BMPER: variants seen among roughly 807,000 people sequenced by gnomAD.
BMPER encodes BMP-binding endothelial regulator protein.
A neutral mutation model predicts 87.3 loss-of-function variants in BMPER; 45 were observed. The observed-to-expected ratio is 0.52, with a 90% CI of 0.41 to 0.66. BMPER has a LOEUF of 0.66. BMPER is among the 30% of genes least tolerant of loss of function. The pLI, the probability that BMPER is intolerant of heterozygous loss-of-function variation, is 0.00. For missense variants in BMPER, 784 were observed against 867.5 expected (o/e 0.90, Z 1.21); for synonymous variants, 326 against 316.2 (o/e 1.03, Z -0.33).
intron 3 of BMPER, among the ~76,000 whole-genome samples, chr7:33,954,419 G>T (rs1265446261): frequency 6.6e-6 from 1 of 152,190 alleles, no homozygotes; most frequent in East Asian, 1.9e-4. Context: ...GTGCTGAAGT[G>T]GTTATCTTCC....
At chr7:34,138,798 C>CCG (rs1248371752) in intron 13 of BMPER, among the ~76,000 whole-genome samples, 1 of 152,192 alleles carries the variant, frequency 6.6e-6, no homozygotes, top group African/African-American at 2.4e-5. Flanking sequence ...CTGGAGCACA[C>CCG]TGGGCAGCCG....
Position 34,036,276 on chromosome 7 carries a change from A to C in BMPER, c.577-10030A>C, listed in dbSNP as rs577869674. On this transcript the variant is annotated intron_variant, in intron 6 of 14. Coordinates refer to ENST00000649409, the MANE Select transcript of BMPER (RefSeq NM_001365308.1). ...AATGGCAAGAAAAGGAAAAGGGCTC[A>C]TTTTCTTCCTTTCACTTTTTTTTGT... Among the ~76,000 whole-genome samples the C allele has an allele frequency of 3.3e-5, 5 of 152,280 alleles. No homozygotes were observed. The South Asian group carries it at 1.0e-3, about 32-fold the overall frequency.
chr7:34,119,014 T>TCTCACACA (rs66493349), intron 13 of BMPER, among the ~76,000 whole-genome samples: 22 of 135,792 alleles, frequency 1.6e-4, no homozygotes, highest in African/African-American at 4.2e-4. Context: ...TCTCTCTCTC[T>TCTCACACA]CACACACACA....
intron 11 of BMPER, among the ~76,000 whole-genome samples, chr7:34,074,350 A>G (rs1246347315): frequency 2.0e-5 from 3 of 152,190 alleles, no homozygotes; most frequent in Admixed American, 2.0e-4. Context: ...TTTTGGGCCA[A>G]TAGCTGTCAG....
intron 3 of BMPER, among the ~76,000 whole-genome samples, chr7:33,946,406 C>A (rs1215893169): frequency 6.6e-6 from 1 of 152,114 alleles, no homozygotes; most frequent in African/African-American, 2.4e-5. Flanking sequence ...GGAAGGCTTT[C>A]CAGAAGAGCA....
chr7:33,918,584 C>T (rs570963098), intron 2 of BMPER, among the ~76,000 whole-genome samples: 2 of 152,252 alleles, frequency 1.3e-5, no homozygotes, highest in African/African-American at 2.4e-5. Context: ...TTTTTGGTCT[C>T]AGGGGAACAC....
intron 3 of BMPER, among the ~76,000 whole-genome samples, chr7:33,945,542 G>A (rs549813704): frequency 1.6e-4 from 24 of 152,176 alleles, no homozygotes; most frequent in Admixed American, 1.0e-3. Context: ...GTAAGCCACC[G>A]TCCCTGGCCA....
intron 14 of BMPER, among the ~76,000 whole-genome samples, chr7:34,143,783 A>AT (rs999255720): frequency 1.3e-5 from 2 of 152,082 alleles, no homozygotes; most frequent in East Asian, 1.9e-4. Context: ...GCCTAGTAGA[A>AT]TTTTTTTCCC....
intron 14 of BMPER, among the ~76,000 whole-genome samples, chr7:34,149,587 C>G (rs556639932): frequency 1.3e-5 from 2 of 151,968 alleles, no homozygotes; most frequent in South Asian, 4.2e-4. Context: ...GGGGGAGATT[C>G]CAGGAGGTGA....
intron 6 of BMPER, among the ~76,000 whole-genome samples, chr7:33,992,883 G>A (rs1193794151): frequency 3.1e-5 from 4 of 131,020 alleles, no homozygotes; most frequent in African/African-American, 8.7e-5. Flanking sequence ...ATGAAGCTTA[G>A]TTTGGCTGGA....
At chr7:33,967,579 A>G (rs549532964) in intron 4 of BMPER, among the ~76,000 whole-genome samples, 29 of 152,364 alleles carry the variant, frequency 1.9e-4, no homozygotes, top group African/African-American at 2.6e-4. Flanking sequence ...GTAGGTAAAC[A>G]CATATAAATA....
chr7:33,980,567 C>G (rs1785824574), intron 6 of BMPER, among the ~76,000 whole-genome samples: 1 of 152,112 alleles, frequency 6.6e-6, no homozygotes, highest in African/African-American at 2.4e-5. Context: ...AGACTAAAGA[C>G]CAAGGTGCCA....
Position 34,154,332 on chromosome 7 carries a change from A to G in BMPER, c.*1059A>G, listed in dbSNP as rs1174381693. ...AACCTCAGTCCAAAGAACAGTCTCT[A>G]TACTTGCCCTCATTTACTGATAGGC... is the stretch of plus-strand genomic sequence containing the variant. On this transcript the variant is annotated 3_prime_UTR_variant, in exon 15 of 15. Transcript: ENST00000649409. 1 of 152,232 alleles carries G rather than the reference A, an allele frequency of 6.6e-6. No individual in the cohort carries two copies. The highest frequency in any genetic ancestry group is 1.9e-4 in the East Asian group (1 of 5,204). 9.4% of individuals were successfully genotyped at this position (152,232 alleles called of 1,614,324 possible).
chr7:33,929,709 C>A (rs2128607018), intron 2 of BMPER, among the ~76,000 whole-genome samples: 1 of 152,284 alleles, frequency 6.6e-6, no homozygotes, highest in South Asian at 2.1e-4. Context: ...AGCCGTTTAA[C>A]CTCTCCGTGC....
intron 13 of BMPER, among the ~76,000 whole-genome samples, chr7:34,129,622 G>GAAAGAGAGAAAGAA (rs1790512640): frequency 3.0e-5 from 2 of 67,134 alleles, no homozygotes; most frequent in African/African-American, 6.7e-5. Context: ...GAGAGAGAGA[G>GAAAGAGAGAAAGAA]AGAAAGAGAG....
intron 6 of BMPER, among the ~76,000 whole-genome samples, chr7:33,984,058 GA>G (rs1252913161): frequency 2.6e-5 from 4 of 152,150 alleles, no homozygotes; most frequent in Non-Finnish European, 5.9e-5. Flanking sequence ...TTGGAAAATT[GA>G]GACATAATCT....
chr7:33,907,637 A>G (rs1783855645), intron 2 of BMPER, among the ~76,000 whole-genome samples: 1 of 152,210 alleles, frequency 6.6e-6, no homozygotes, highest in South Asian at 2.1e-4. Context: ...GTGAATAAGA[A>G]TTTCTGAGAT....
chr7:34,070,288 CCT>C (rs1323542559), intron 11 of BMPER, among the ~76,000 whole-genome samples: 1 of 152,080 alleles, frequency 6.6e-6, no homozygotes, highest in Non-Finnish European at 1.5e-5. Context: ...GTTTCCAATC[CCT>C]GTTTGTTGAC....
chr7:34,020,126 T>G (rs985903499), intron 6 of BMPER, among the ~76,000 whole-genome samples: 3 of 151,588 alleles, frequency 2.0e-5, no homozygotes, highest in Non-Finnish European at 4.4e-5. Flanking sequence ...GAGTGAACAG[T>G]GAAAGCAAGA....
Sources: gnomAD v4.1 joint callset for allele counts (sites outside exome capture counted in the v4.1 genomes callset) on GRCh38, gnomAD v4.1.1 for gene constraint, MANE v1.5 for transcripts, NCBI Gene and HGNC (gene_info 2026-07-23, HGNC 2026-07-21) for gene names.